Variants in LINGO2 observed in about 807,000 individuals in gnomAD.
The protein encoded by LINGO2 is leucine rich repeat and Ig domain containing 2.
LINGO2 carries 14 observed loss-of-function variants against 30.6 expected under a neutral mutation model. The ratio of observed to expected loss-of-function variants is 0.46; its 90% CI spans 0.30 to 0.72. The LOEUF is 0.72. LINGO2 is among the 30% of genes least tolerant of loss of function. The probability of loss-of-function intolerance (pLI) is 0.07; values close to 1 mark genes in which losing one functional copy is unlikely to be tolerated. For missense variants in LINGO2, 729 were observed against 751.7 expected, an observed-to-expected ratio of 0.97 and a Z score of 0.35; for synonymous variants, 317 against 288.5, an observed-to-expected ratio of 1.10 and a Z score of -1.00.
chr9:29,112,132 C>A, the LINGO2 span, among the ~76,000 whole-genome samples: 1 of 150,004 alleles, frequency 6.7e-6, no homozygotes, highest in South Asian at 2.1e-4. Flanking sequence ...TATAGAAAAT[C>A]AAATACGAAA....
At chr9:28,573,245 T>C (rs929770094) in intron 1 of LINGO2, among the ~76,000 whole-genome samples, 4 of 152,178 alleles carry the variant, frequency 2.6e-5, no homozygotes, top group Admixed American at 6.5e-5. Context: ...AATACACTTA[T>C]CCGGTTCAGA....
At chr9:28,863,612 T>TCGGGGGTC in the LINGO2 span, 1 of 509,058 alleles carries the variant, frequency 2.0e-6, no homozygotes, top group Non-Finnish European at 4.0e-6. Flanking sequence ...GTAGATCAAC[T>TCGGGGGTC]GCAGAAGCAC....
At chr9:28,967,244 TA>T in the LINGO2 span, among the ~76,000 whole-genome samples, 1 of 152,262 alleles carries the variant, frequency 6.6e-6, no homozygotes, top group African/African-American at 2.4e-5. Context: ...GCTGAGTTCT[TA>T]TACCTAACAC....
chr9:27,957,582 C>G lies in LINGO2; in HGVS notation c.-35-6876G>C, dbSNP rs867952542. Among the ~76,000 whole-genome samples the G allele has an allele frequency of 2.6e-4, 39 of 152,268 alleles. No individual in the cohort carries two copies. In the Middle Eastern group the frequency reaches 0.017, roughly 66 times the overall value. ...TGCTGGGATTACAGGCGTGAGCCAC[C>G]GCACCCGGCCACTGTAGCTTTTTAT... On this transcript the variant is annotated intron_variant, in intron 5 of 5. Transcript: ENST00000379992.
chr9:28,880,489 C>T, the LINGO2 span, among the ~76,000 whole-genome samples: 1 of 152,186 alleles, frequency 6.6e-6, no homozygotes, highest in Non-Finnish European at 1.5e-5. Flanking sequence ...TCTCTAGTCT[C>T]AATAAACCAG....
the LINGO2 span, among the ~76,000 whole-genome samples, chr9:28,785,155 C>A: frequency 1.1e-3 from 160 of 152,244 alleles, 1 homozygote; most frequent in East Asian, 0.027. Flanking sequence ...TACTCTATGG[C>A]AGCAGAGAAC....
intron 2 of LINGO2, among the ~76,000 whole-genome samples, chr9:28,464,706 G>A (rs943544151): frequency 1.3e-5 from 2 of 152,132 alleles, no homozygotes; most frequent in Admixed American, 6.6e-5. Context: ...GCCATCATCG[G>A]CTTTTTATTT....
At chr9:28,863,080 G>A in the LINGO2 span, among the ~76,000 whole-genome samples, 1 of 151,978 alleles carries the variant, frequency 6.6e-6, no homozygotes, top group Non-Finnish European at 1.5e-5. Flanking sequence ...TTTAATATAT[G>A]CCATCAAAAT....
At chr9:28,948,715 T>A in the LINGO2 span, among the ~76,000 whole-genome samples, 2 of 152,138 alleles carry the variant, frequency 1.3e-5, no homozygotes, top group Non-Finnish European at 2.9e-5. Context: ...TAAATCTTGG[T>A]TATGCAAATC....
the LINGO2 span, among the ~76,000 whole-genome samples, chr9:29,183,616 C>T: frequency 6.6e-6 from 1 of 152,124 alleles, no homozygotes; most frequent in African/African-American, 2.4e-5. Context: ...ATTCTGAGCA[C>T]TTAGAATAGG....
rs114656025 is a variant in LINGO2, at chr9:28,628,436, T to C, written c.-365+41764A>G. ...AGAGAAAAAACATTGGCAGTTTGTA[T>C]TTCAGTTCTGTGCACTATGCCGGGT... On this transcript the variant is annotated intron_variant, in intron 1 of 5. Transcript: ENST00000379992. Among the ~76,000 whole-genome samples the C allele has an allele frequency of 2.6e-3, 399 of 152,240 alleles. 3 individuals carry two copies. Among genetic ancestry groups the C allele is most frequent in the African/African-American group, 9.2e-3 (381 of 41,554 alleles).
chr9:28,035,660 T>G (rs1823896260), intron 4 of LINGO2, among the ~76,000 whole-genome samples: 1 of 152,222 alleles, frequency 6.6e-6, no homozygotes, highest in Non-Finnish European at 1.5e-5. Context: ...AGAGAAAACA[T>G]TTTTAAAATT....
the LINGO2 span, among the ~76,000 whole-genome samples, chr9:28,773,952 G>A: frequency 6.6e-6 from 1 of 151,638 alleles, no homozygotes; most frequent in Non-Finnish European, 1.5e-5. Context: ...TGAGGAATTG[G>A]TATTTTTGTA....
chr9:28,330,418 G>C (rs1442605187), intron 3 of LINGO2, among the ~76,000 whole-genome samples: 2 of 152,024 alleles, frequency 1.3e-5, no homozygotes, highest in African/African-American at 4.8e-5. Flanking sequence ...CTCTCCACAA[G>C]TTTTCCTCAT....
At chr9:28,395,575 G>T (rs932747229) in intron 2 of LINGO2, among the ~76,000 whole-genome samples, 4 of 151,954 alleles carry the variant, frequency 2.6e-5, no homozygotes, top group African/African-American at 4.8e-5. Context: ...TGGAAAGCCT[G>T]GTCTCCAGGG....
the LINGO2 span, among the ~76,000 whole-genome samples, chr9:28,781,371 T>C: frequency 6.6e-6 from 1 of 152,162 alleles, no homozygotes; most frequent in African/African-American, 2.4e-5. Context: ...TAAGATTTTA[T>C]GCATCAACAT....
At chr9:28,945,920 C>T in the LINGO2 span, among the ~76,000 whole-genome samples, 2 of 152,192 alleles carry the variant, frequency 1.3e-5, no homozygotes, top group South Asian at 2.1e-4. Flanking sequence ...AAAGATGAGG[C>T]TTCCTTTCAC....
chr9:29,043,687 G>A, the LINGO2 span, among the ~76,000 whole-genome samples: 1 of 151,968 alleles, frequency 6.6e-6, no homozygotes, highest in Admixed American at 6.6e-5. Flanking sequence ...GTAGTTGTAA[G>A]AATGAAAACA....
chr9:28,855,126 G>C, the LINGO2 span, among the ~76,000 whole-genome samples: 778 of 152,030 alleles, frequency 5.1e-3, 8 homozygotes, highest in African/African-American at 0.018. Context: ...GGGTTCTTTA[G>C]TGGGTGCTCT....
Sources: allele counts gnomAD v4.1 joint callset (sites outside exome capture counted in the v4.1 genomes callset), GRCh38; gene constraint gnomAD v4.1.1; transcripts MANE v1.5; gene names NCBI Gene and HGNC (gene_info 2026-07-23, HGNC 2026-07-21).